The following DGKB variants were observed in gnomAD, a reference collection of about 807,000 sequenced individuals.
DGKB encodes the protein 90 kDa diacylglycerol kinase.
Under a neutral mutation model 114.3 loss-of-function variants are expected in DGKB, and 67 were observed. That is an observed-to-expected ratio of 0.59 (90% CI 0.48 to 0.72). The LOEUF (loss-of-function observed/expected upper bound fraction) is 0.72, where lower values mean the gene tolerates loss of function less well. Ranked by LOEUF, DGKB falls within the 30% of genes least tolerant of loss-of-function variation. The probability of loss-of-function intolerance (pLI) is 0.00; values close to 1 mark genes in which losing one functional copy is unlikely to be tolerated. For missense variants in DGKB, 907 were observed against 975.2 expected (o/e 0.93, Z 0.93); for synonymous variants, 398 against 323.1 (o/e 1.23, Z -2.49).
chr7:14,409,125 G>C (rs1340136686), intron 21 of DGKB, among the ~76,000 whole-genome samples: 1 of 152,032 alleles, frequency 6.6e-6, no homozygotes, highest in African/African-American at 2.4e-5. Context: ...TAGTACATAA[G>C]GTACTACTGA....
At chr7:14,753,081 C>T (rs555287888) in intron 4 of DGKB, among the ~76,000 whole-genome samples, 1 of 152,232 alleles carries the variant, frequency 6.6e-6, no homozygotes, top group Admixed American at 6.5e-5. Flanking sequence ...GTATCTAAGT[C>T]CACCAGTATC....
At chr7:14,156,612 C>T (rs1254178316) in intron 25 of DGKB, among the ~76,000 whole-genome samples, 3 of 152,124 alleles carry the variant, frequency 2.0e-5, no homozygotes, top group Admixed American at 1.3e-4. Flanking sequence ...TACACAAAAA[C>T]AGGCAGCTGG....
chr7:14,700,304 C>A (rs760663158), intron 7 of DGKB, among the ~76,000 whole-genome samples: 1 of 151,590 alleles, frequency 6.6e-6, no homozygotes, highest in African/African-American at 2.4e-5. Context: ...ACCTCCGCCT[C>A]CCGGGTTCAA....
chr7:14,566,409 G>A (rs912009449), intron 20 of DGKB, among the ~76,000 whole-genome samples: 1 of 151,952 alleles, frequency 6.6e-6, no homozygotes, highest in Non-Finnish European at 1.5e-5. Context: ...ACATTGGCTG[G>A]GTTTATGAGG....
At chr7:14,424,152 C>A (rs1045539107) in intron 21 of DGKB, among the ~76,000 whole-genome samples, 18 of 152,014 alleles carry the variant, frequency 1.2e-4, no homozygotes, top group African/African-American at 4.3e-4. Flanking sequence ...CAAATCCTAC[C>A]ATTCAGTAAA....
intron 2 of DGKB, among the ~76,000 whole-genome samples, chr7:14,784,569 TG>T: frequency 6.6e-6 from 1 of 152,122 alleles, no homozygotes; most frequent in Non-Finnish European, 1.5e-5. Flanking sequence ...GATGTGGTTT[TG>T]TTTGTTATGT....
chr7:14,312,072 T>G (rs952030730), intron 23 of DGKB, among the ~76,000 whole-genome samples: 1 of 152,108 alleles, frequency 6.6e-6, no homozygotes, highest in Non-Finnish European at 1.5e-5. Context: ...GCCATCAAAA[T>G]GAAAATGCAT....
At chr7:14,276,003 C>T (rs1275127770) in intron 23 of DGKB, among the ~76,000 whole-genome samples, 3 of 152,118 alleles carry the variant, frequency 2.0e-5, no homozygotes, top group Non-Finnish European at 4.4e-5. Context: ...TAGTTGCTAG[C>T]CTCACATACT....
chr7:14,619,644 A>T (rs553769094), intron 15 of DGKB, among the ~76,000 whole-genome samples: 1 of 151,666 alleles, frequency 6.6e-6, no homozygotes, highest in African/African-American at 2.4e-5. Context: ...AATTTTAAGC[A>T]AAGAGACAGG....
chr7:14,858,724 C>T (rs1048055510), intron 1 of DGKB, among the ~76,000 whole-genome samples: 3 of 151,862 alleles, frequency 2.0e-5, no homozygotes, highest in Non-Finnish European at 4.4e-5. Flanking sequence ...AGCAGAAAGC[C>T]GAGATATGAG....
At chr7:14,839,396 C>CTCT (rs1026341294) in intron 2 of DGKB, among the ~76,000 whole-genome samples, 79 of 150,302 alleles carry the variant, frequency 5.3e-4, no homozygotes, top group South Asian at 1.9e-3. Flanking sequence ...ATTTTCTTTA[C>CTCT]TCTTCTTCTT....
chr7:14,844,611 C>G (rs1000296983), intron 1 of DGKB, among the ~76,000 whole-genome samples: 5 of 152,114 alleles, frequency 3.3e-5, no homozygotes, highest in Non-Finnish European at 5.9e-5. Context: ...GTTGTGATAG[C>G]TTCTTAACTC....
chr7:14,505,986 G>C (rs550721691), intron 20 of DGKB, among the ~76,000 whole-genome samples: 1 of 151,942 alleles, frequency 6.6e-6, no homozygotes, highest in Non-Finnish European at 1.5e-5. Context: ...ATATCGTCAA[G>C]TGTAAGTAAT....
In DGKB at chr7:14,852,487, C is replaced by CAAAAAAAAACAAAACAAAAAA. The variant is rs1554304221; in HGVS notation, c.-187-11038_-187-11037insTTTTTTGTTTTGTTTTTTTTT. ...GAGGAATAGCTAAAATAGTGAAAGT[C>CAAAAAAAAACAAAACAAAAAA]AAAAAAAAAACAGAAATCAAGCATA... On this transcript the variant is annotated intron_variant, in intron 1 of 25. Coordinates refer to ENST00000402815, the MANE Select transcript of DGKB (RefSeq NM_001350709.2). Among the ~76,000 whole-genome samples, 18 of 63,616 alleles carry CAAAAAAAAACAAAACAAAAAA rather than the reference C, an allele frequency of 2.8e-4. 1 individual carries two copies. In the East Asian group the frequency reaches 6.5e-3, roughly 23 times the overall value. 41.7% of individuals were successfully genotyped at this position (63,616 alleles called of 152,430 possible).
intron 23 of DGKB, among the ~76,000 whole-genome samples, chr7:14,236,913 T>A (rs1188754343): frequency 6.6e-6 from 1 of 151,950 alleles, no homozygotes; most frequent in East Asian, 1.9e-4. Context: ...CTTTTCTTTT[T>A]CCCTTTCCTA....
chr7:14,324,838 A>G (rs1193468780), intron 23 of DGKB, among the ~76,000 whole-genome samples: 2 of 33,920 alleles, frequency 5.9e-5, no homozygotes, highest in Non-Finnish European at 9.9e-5. Context: ...CAATGAGACA[A>G]TGGACGCTTC....
intron 1 of DGKB, among the ~76,000 whole-genome samples, chr7:14,844,036 T>C (rs1265532387): frequency 6.6e-6 from 1 of 152,202 alleles, no homozygotes; most frequent in South Asian, 2.1e-4. Flanking sequence ...GCCCACCCAG[T>C]ATCCATTCTC....
intron 1 of DGKB, among the ~76,000 whole-genome samples, chr7:14,873,448 G>A (rs1008255288): frequency 2.0e-5 from 3 of 151,946 alleles, no homozygotes; most frequent in African/African-American, 7.2e-5. Flanking sequence ...AAAGATATAA[G>A]GCAGGAAGAT....
intron 15 of DGKB, among the ~76,000 whole-genome samples, chr7:14,618,630 A>G (rs1807013704): frequency 6.6e-6 from 1 of 151,578 alleles, no homozygotes; most frequent in Admixed American, 6.6e-5. Context: ...GATGACAAAG[A>G]CAGAGTGCCT....
Sources: allele counts gnomAD v4.1 joint callset (sites outside exome capture counted in the v4.1 genomes callset), GRCh38; gene constraint gnomAD v4.1.1; transcripts MANE v1.5; gene names NCBI Gene and HGNC (gene_info 2026-07-23, HGNC 2026-07-21).